COL6A3: variants seen among roughly 807,000 people sequenced by gnomAD.
The protein encoded by COL6A3 is collagen alpha-3(VI) chain.
In COL6A3, 137 loss-of-function variants were observed where a neutral mutation model predicts 274.1. The observed-to-expected ratio is 0.50, with a 90% confidence interval of 0.44 to 0.58. The LOEUF (loss-of-function observed/expected upper bound fraction) is 0.58. Ranked by LOEUF, COL6A3 falls within the 20% of genes least tolerant of loss-of-function variation. The pLI is 0.00. For missense variants in COL6A3, 3,950 were observed against 4,124.9 expected, an observed-to-expected ratio of 0.96 and a Z score of 1.16; for synonymous variants, 1,650 against 1,650.6, an observed-to-expected ratio of 1.00 and a Z score of 0.01.
chr2:237,334,477 A>G (rs1700425653), intron 41 of COL6A3, 149 bp downstream of exon 41: 1 of 862,744 alleles, frequency 1.2e-6, no homozygotes, highest in Admixed American at 2.2e-5. Flanking sequence ...CAAAGCACCC[A>G]GGCTGAGTTG....
At chr2:237,400,516 AT>A (rs2106396372) in intron 1 of COL6A3, among the ~76,000 whole-genome samples, 1 of 152,234 alleles carries the variant, frequency 6.6e-6, no homozygotes, top group Non-Finnish European at 1.5e-5. Flanking sequence ...AAAAATAGAT[AT>A]TTGCTTGAAA....
In COL6A3 at chr2:237,363,319, C is replaced by A. The variant is rs372028656; in HGVS notation, c.5997G>T (p.Gly1999=). 1.2e-6 allele frequency: 2 copies of A among 1,614,128 alleles called. No individual in the cohort carries two copies. The highest frequency in any genetic ancestry group is 1.7e-6 in the Non-Finnish European group (2 of 1,180,038). ...ERLMHLEFGR[G]FMYDRPLRLN... The stretch of plus-strand genomic sequence containing the variant: ...GCCTCAGGGGCCTGTCATACATAAA[C>A]CCTCGCCCAAACTCCAGATGCATTA... The change falls in exon 14 of 44, where the codon GGG becomes GGT. Residue 1999 remains glycine (G), a synonymous_variant. Transcript: ENST00000295550.
At chr2:237,329,883 G>A (rs779368323) in intron 42 of COL6A3, 1 of 152,178 alleles carries the variant, frequency 6.6e-6, no homozygotes, top group Non-Finnish European at 1.5e-5. Context: ...TAAAACGTTA[G>A]TAAACACAAA....
At chr2:237,343,448 G>A (rs1322385992) in intron 36 of COL6A3, 1 of 140,726 alleles carries the variant, frequency 7.1e-6, no homozygotes, top group East Asian at 2.2e-4. Context: ...CTGGAAGGTG[G>A]AGGTTGCAGT....
In COL6A3 at chr2:237,361,809, C is replaced by G. The variant is rs758893173; in HGVS notation, c.6086G>C (p.Cys2029Ser). The G allele has an allele frequency of 6.2e-7, 1 of 1,614,188 alleles. No individual in the cohort carries two copies. The highest frequency in any genetic ancestry group is 1.1e-5 in the South Asian group (1 of 91,082). Residue 2029 changes from cysteine (C) to serine (S), a missense_variant, in exon 15 of 44, where the codon TGC becomes TCC. Physicochemically the swap from Cys to Ser is moderately radical, Grantham distance 112. Coordinates refer to ENST00000295550, the MANE Select transcript of COL6A3 (RefSeq NM_004369.4). The surrounding 1 kb of genome is among the most constrained non-coding windows in gnomAD (Gnocchi z 5.1). Reference protein sequence around the residue: ...EQLDNIAEKACCGVPCKCSGQ... With the variant: ...EQLDNIAEKASCGVPCKCSGQ... Reference sequence around the variant, plus strand: ...AGAGCACTTGCAGGGAACCCCACAGCAAGCTTTCTCGGCAATGTTGTCCTA... The same window carrying G: ...AGAGCACTTGCAGGGAACCCCACAGGAAGCTTTCTCGGCAATGTTGTCCTA...
chr2:237,332,982 T>G, intron 42 of COL6A3: 1 of 243,072 alleles, frequency 4.1e-6, no homozygotes, highest in Non-Finnish European at 8.2e-6. Context: ...TAAGCTGGGG[T>G]GTGTGCTTAG....
chr2:237,378,824 C>A lies in COL6A3; in HGVS notation c.2309G>T (p.Gly770Val). Residue 770 changes from glycine (G) to valine (V), a missense_variant, in exon 6 of 44, where the codon GGC (glycine) becomes GTC (valine). This residue lies in a region of COL6A3 where 1,934 missense variants were observed against 1,984.3 expected (regional missense o/e 0.97). Coordinates refer to ENST00000295550, the MANE Select transcript of COL6A3 (RefSeq NM_004369.4). ...LQAANALTRA[G>V]ILTFCVGASQ... ...AGCTCCCACACAAAAAGTCAGGATG[C>A]CCGCGCGTGTCAAGGCGTTGGCAGC... is the stretch of plus-strand genomic sequence containing the variant. 1.2e-6 allele frequency: 2 copies of A among 1,614,208 alleles called. No individual in the cohort carries two copies. The highest frequency in any genetic ancestry group is 1.1e-5 in the South Asian group (1 of 91,082).
rs149187225 is a variant in COL6A3, at chr2:237,379,185, C to A, written c.1948G>T (p.Val650Phe). 3.8e-5 allele frequency: 61 copies of A among 1,614,136 alleles called. No individual in the cohort carries two copies. Among genetic ancestry groups the A allele is most frequent in the Non-Finnish European group, 5.2e-5 (61 of 1,180,014 alleles). The change falls in exon 6 of 44, where the codon GTT becomes TTT. Residue 650 changes from valine to phenylalanine, a missense_variant. Physicochemically the swap from Val to Phe is conservative, Grantham distance 50. Around this residue, in one of 5 missense-constraint regions of COL6A3, gnomAD observed 1,934 missense variants for 1,984.3 expected, o/e 0.97. Coordinates refer to ENST00000295550, the MANE Select transcript of COL6A3 (RefSeq NM_004369.4). Reference sequence around the variant, plus strand: ...ACATAAGGGAAATTGGTTTTTCCAACGTTGGCTGATCCATCCAAAAGAAAG... The same window carrying A: ...ACATAAGGGAAATTGGTTTTTCCAAAGTTGGCTGATCCATCCAAAAGAAAG... ...IIFLLDGSAN[V>F]GKTNFPYVRD...
chr2:237,395,110 T>A lies in COL6A3; in HGVS notation c.186A>T (p.Leu62=), dbSNP rs773733833. The stretch of plus-strand genomic sequence containing the variant: ...CAGCTAAGGATTTTACAACATCATA[T>A]AGAAACTCTCGAACAAGTTGGAAAT... ...EEHFQLVREF[L]YDVVKSLAVG... is the part of the protein sequence containing the mutation. The change falls in exon 3 of 44, where the codon CTA becomes CTT. Residue 62 remains leucine, a synonymous_variant. Transcript: ENST00000295550. 1.9e-6 allele frequency: 3 copies of A among 1,613,978 alleles called. No individual in the cohort carries two copies. The South Asian group carries it at 3.3e-5, about 18-fold the overall frequency.
rs111500723 is a variant in COL6A3, at chr2:237,339,160, T to C, written c.8465-43A>G. ...AGAAAACAATTGAACCGCATGCTAA[T>C]AACATGAAAATTAAAATTAATCTGT... On this transcript the variant is annotated intron_variant, in intron 38 of 43. Coordinates refer to ENST00000295550, the MANE Select transcript of COL6A3 (RefSeq NM_004369.4). 2.5e-3 allele frequency: 3,393 copies of C among 1,347,260 alleles called. 56 individuals are homozygous for C. The highest frequency in any genetic ancestry group is 0.016 in the East Asian group (689 of 43,666). The allele number at this position is 1,347,260 out of a possible 1,614,324, so 83.5% of individuals were successfully genotyped here. A position where few individuals can be genotyped will look rare whatever the true frequency, so the allele number is the denominator to read the frequency against.
chr2:237,349,841 A>G (rs1429529359), intron 28 of COL6A3, among the ~76,000 whole-genome samples: 1 of 152,232 alleles, frequency 6.6e-6, no homozygotes, highest in Non-Finnish European at 1.5e-5. Flanking sequence ...TTATGCTTGC[A>G]AAGCATTTGC....
At chr2:237,409,578 G>C (rs2078804274) in intron 1 of COL6A3, among the ~76,000 whole-genome samples, 1 of 152,020 alleles carries the variant, frequency 6.6e-6, no homozygotes, top group South Asian at 2.1e-4. Flanking sequence ...AGCTAGAATT[G>C]TCTCCCTCAG....
chr2:237,354,968 G>C, intron 23 of COL6A3, 34 bp from the exon 24 acceptor site: 1 of 1,608,108 alleles, frequency 6.2e-7, no homozygotes, highest in Non-Finnish European at 8.5e-7. Flanking sequence ...ACTGTGAGGG[G>C]GAGCATGGGA....
intron 42 of COL6A3, among the ~76,000 whole-genome samples, chr2:237,330,570 C>T (rs1700178007): frequency 6.6e-6 from 1 of 152,138 alleles, no homozygotes; most frequent in South Asian, 2.1e-4. Context: ...TGAGTGGTTG[C>T]TAACGATGCC....
At position 237,353,450 on chromosome 2, in the gene COL6A3, C is replaced by G. The variant is rs398124130; in HGVS notation, c.6628-47G>C. ...AGGGAGGAGTCAGGATGGTTCCTGTCAATGTCAGCTCTTTGCTCTACAGTC... is the reference window on the plus strand; with the variant it reads ...AGGGAGGAGTCAGGATGGTTCCTGTGAATGTCAGCTCTTTGCTCTACAGTC... On this transcript the variant is annotated intron_variant, in intron 24 of 43. Coordinates refer to ENST00000295550, the MANE Select transcript of COL6A3 (RefSeq NM_004369.4). 1.3e-6 allele frequency: 2 copies of G among 1,526,302 alleles called. No individual in the cohort carries two copies. Among genetic ancestry groups the G allele is most frequent in the Admixed American group, 3.3e-5 (2 of 59,828 alleles). The allele number at this position is 1,526,302 out of a possible 1,614,324, so 94.5% of individuals were successfully genotyped here. A position where few individuals can be genotyped will look rare whatever the true frequency, so the allele number is the denominator to read the frequency against.
At chr2:237,406,133 C>T (rs7563793) in intron 1 of COL6A3, among the ~76,000 whole-genome samples, 9,559 of 152,194 alleles carry the variant, frequency 0.063, 760 homozygotes, top group African/African-American at 0.18. Flanking sequence ...TACCTTTCAT[C>T]AGAAAGATTG....
chr2:237,362,324 G>A (rs538733093), intron 14 of COL6A3, among the ~76,000 whole-genome samples: 3 of 152,204 alleles, frequency 2.0e-5, no homozygotes, highest in South Asian at 2.1e-4. Context: ...CAGCCATGGT[G>A]GGAGCAGGCA....
Position 237,376,942 on chromosome 2 carries a change from CCACTCTGCTT to C in COL6A3, c.2890_2899del (p.Lys964GlyfsTer17). On this transcript the variant is annotated frameshift_variant, in exon 7 of 44. Coordinates refer to ENST00000295550, the MANE Select transcript of COL6A3 (RefSeq NM_004369.4). LOFTEE classifies it high-confidence loss of function. ...GGCTTGGAAGATGAAAGGCACAACCCCACTCTGCTTCAGGTTACTTGCTGGCCCATCCACA... is the reference window on the plus strand; with the variant it reads ...GGCTTGGAAGATGAAAGGCACAACCCCAGGTTACTTGCTGGCCCATCCACA... 6.2e-7 allele frequency: 1 copy of C among 1,614,168 alleles called. No individual in the cohort carries two copies. The highest frequency in any genetic ancestry group is 8.5e-7 in the Non-Finnish European group (1 of 1,180,030).
intron 1 of COL6A3, among the ~76,000 whole-genome samples, chr2:237,397,371 GAGA>G (rs2078475418): frequency 6.7e-6 from 1 of 149,708 alleles, no homozygotes; most frequent in African/African-American, 2.5e-5. Flanking sequence ...AGGAAGGAAG[GAGA>G]AGAAGAGAAA....
Sources: gnomAD v4.1 joint callset for allele counts (sites outside exome capture counted in the v4.1 genomes callset) on GRCh38, gnomAD v4.1.1 for gene constraint, gnomAD v4.1.1 regional missense constraint, Gnocchi (gnomAD v3.1) non-coding constraint, MANE v1.5 for transcripts, NCBI Gene and HGNC (gene_info 2026-07-23, HGNC 2026-07-21) for gene names.